DLG2: variants seen among roughly 807,000 people sequenced by gnomAD.
DLG2 encodes the protein discs large MAGUK scaffold protein 2.
DLG2 carries 45 observed loss-of-function variants against 132.5 expected under a neutral mutation model. The ratio of observed to expected loss-of-function variants is 0.34; its 90% CI spans 0.27 to 0.44. The LOEUF (loss-of-function observed/expected upper bound fraction) is 0.44, where lower values mean the gene tolerates loss of function less well. Among genes scored for constraint, DLG2 ranks in the 20% least tolerant of loss-of-function variants. The pLI, the probability that DLG2 is intolerant of heterozygous loss-of-function variation, is 1.00. For synonymous variants in DLG2, 424 were observed against 419.6 expected, an observed-to-expected ratio of 1.01 and a Z score of -0.13; for missense variants, 1,045 against 1,196.9, an observed-to-expected ratio of 0.87 and a Z score of 1.87.
At chr11:85,583,104 G>A (rs1220176005) in intron 3 of DLG2, among the ~76,000 whole-genome samples, 14 of 44,774 alleles carry the variant, frequency 3.1e-4, no homozygotes, top group African/African-American at 1.1e-3. Context: ...GTGTGTGTGT[G>A]TGTGTGTGTG....
chr11:85,301,167 C>T (rs1258418352), intron 3 of DLG2, among the ~76,000 whole-genome samples: 1 of 152,070 alleles, frequency 6.6e-6, no homozygotes, highest in African/African-American at 2.4e-5. Flanking sequence ...CACCACTGCA[C>T]TCCAACCTGG....
At position 84,247,969 on chromosome 11, in the gene DLG2, A is replaced by G. The variant is rs532103456; in HGVS notation, c.573+3269T>C. 3.3e-5 allele frequency among the ~76,000 whole-genome samples: 5 copies of G among 152,346 alleles called. No individual in the cohort carries two copies. In the East Asian group the frequency reaches 9.6e-4, roughly 29 times the overall value. ...TAAGAAGGAAATGTTCTTACGCAAC[A>G]TGACTAAAATGCCCTAGGGAACTCT... is the stretch of plus-strand genomic sequence containing the variant. On this transcript the variant is annotated intron_variant, in intron 8 of 27. Transcript: ENST00000376104.
rs557509751 is a variant in DLG2, at chr11:84,251,552, A to C, written c.520-261T>G. 2.0e-5 allele frequency among the ~76,000 whole-genome samples: 3 copies of C among 152,268 alleles called. No homozygotes were observed. The South Asian group carries it at 6.2e-4, about 32-fold the overall frequency. On this transcript the variant is annotated intron_variant, in intron 7 of 27. Coordinates refer to ENST00000376104, the MANE Select transcript of DLG2 (RefSeq NM_001142699.3). Reference sequence around the variant, plus strand: ...CATTCATTTTCTCTTACATTCTACAAAACAATGCAGGAGGTGAGGATTTCT... The same window carrying C: ...CATTCATTTTCTCTTACATTCTACACAACAATGCAGGAGGTGAGGATTTCT...
At chr11:84,509,837 G>A (rs558452462) in intron 7 of DLG2, among the ~76,000 whole-genome samples, 174 of 151,946 alleles carry the variant, frequency 1.1e-3, no homozygotes, top group Non-Finnish European at 1.6e-3. Flanking sequence ...TGATTTCCAA[G>A]ACAGAATAAG....
At chr11:85,442,423 G>A (rs374533065) in intron 3 of DLG2, among the ~76,000 whole-genome samples, 2 of 152,164 alleles carry the variant, frequency 1.3e-5, no homozygotes, top group Non-Finnish European at 2.9e-5. Context: ...AGTGAGACTT[G>A]ATGATAGATT....
intron 6 of DLG2, among the ~76,000 whole-genome samples, chr11:84,722,093 G>A (rs761257634): frequency 6.6e-6 from 1 of 152,162 alleles, no homozygotes; most frequent in Non-Finnish European, 1.5e-5. Flanking sequence ...GGAGAGTTTA[G>A]AAAACAGCAT....
intron 8 of DLG2, among the ~76,000 whole-genome samples, chr11:84,222,628 G>A (rs1339675997): frequency 1.3e-5 from 2 of 152,162 alleles, no homozygotes; most frequent in South Asian, 2.1e-4. Context: ...TGGAAGATGA[G>A]TAGCAGTATT....
intron 8 of DLG2, among the ~76,000 whole-genome samples, chr11:84,168,587 TGTGA>T (rs1240616192): frequency 2.0e-5 from 3 of 152,194 alleles, no homozygotes; most frequent in Admixed American, 6.5e-5. Context: ...ATGATGACTA[TGTGA>T]GTGAGTAAGT....
chr11:84,579,832 T>C (rs1359272997), intron 6 of DLG2, among the ~76,000 whole-genome samples: 1 of 152,192 alleles, frequency 6.6e-6, no homozygotes, highest in East Asian at 1.9e-4. Flanking sequence ...AAAGCAATGT[T>C]AATGCAGAGA....
intron 3 of DLG2, among the ~76,000 whole-genome samples, chr11:85,431,788 A>G (rs2091202811): frequency 6.6e-6 from 1 of 152,254 alleles, no homozygotes; most frequent in African/African-American, 2.4e-5. Context: ...CCCCCAGCAC[A>G]GCACACACTC....
intron 3 of DLG2, among the ~76,000 whole-genome samples, chr11:85,532,560 C>A (rs2075280354): frequency 6.6e-6 from 1 of 152,202 alleles, no homozygotes; most frequent in African/African-American, 2.4e-5. Flanking sequence ...ACAGAGCACA[C>A]CAACTATTGT....
At chr11:84,921,745 T>G (rs905961504) in intron 6 of DLG2, among the ~76,000 whole-genome samples, 1 of 152,180 alleles carries the variant, frequency 6.6e-6, no homozygotes. Flanking sequence ...TTACTGAGTT[T>G]ACAAAACAAT....
chr11:84,715,461 T>C (rs961179514), intron 6 of DLG2, among the ~76,000 whole-genome samples: 3 of 152,128 alleles, frequency 2.0e-5, no homozygotes, highest in South Asian at 2.1e-4. Context: ...GTCCAAACAC[T>C]GTACCTGAGA....
intron 6 of DLG2, among the ~76,000 whole-genome samples, chr11:84,614,360 C>T (rs1565458752): frequency 6.6e-6 from 1 of 152,022 alleles, no homozygotes. Context: ...CAGAAGAAAC[C>T]GTGTGGGCAA....
intron 6 of DLG2, among the ~76,000 whole-genome samples, chr11:84,872,253 C>A (rs542639893): frequency 6.6e-6 from 1 of 152,142 alleles, no homozygotes; most frequent in East Asian, 1.9e-4. Flanking sequence ...CTCTTTCAAG[C>A]AGTCTTATTA....
At chr11:84,879,576 G>C (rs1018201170) in intron 6 of DLG2, among the ~76,000 whole-genome samples, 9 of 152,226 alleles carry the variant, frequency 5.9e-5, no homozygotes, top group Middle Eastern at 3.4e-3. Flanking sequence ...TTTTCAGTCT[G>C]ATTAGGAATG....
At chr11:83,658,098 C>T (rs1016188442) in intron 18 of DLG2, among the ~76,000 whole-genome samples, 1 of 152,198 alleles carries the variant, frequency 6.6e-6, no homozygotes, top group Non-Finnish European at 1.5e-5. Context: ...GAAGTGCCCC[C>T]ACAATATTAG....
intron 16 of DLG2, among the ~76,000 whole-genome samples, chr11:83,858,073 G>C (rs1322976931): frequency 1.3e-5 from 2 of 152,090 alleles, no homozygotes; most frequent in Non-Finnish European, 2.9e-5. Flanking sequence ...AACAAAGGAG[G>C]GTGGTTAAGA....
At chr11:84,891,041 A>G (rs1566284955) in intron 6 of DLG2, 1 of 151,966 alleles carries the variant, frequency 6.6e-6, no homozygotes, top group Non-Finnish European at 1.5e-5. Flanking sequence ...ACCATCCCTC[A>G]CCCGGGTTCC....
Sources: gnomAD v4.1 joint callset for allele counts (sites outside exome capture counted in the v4.1 genomes callset) on GRCh38, gnomAD v4.1.1 for gene constraint, MANE v1.5 for transcripts, NCBI Gene and HGNC (gene_info 2026-07-23, HGNC 2026-07-21) for gene names.